LRP1B: variants seen among roughly 807,000 people sequenced by gnomAD.
LRP1B encodes the protein low-density lipoprotein receptor-related protein 1B.
Under a neutral mutation model 556.6 loss-of-function variants are expected in LRP1B, and 217 were observed. The ratio of observed to expected loss-of-function variants is 0.39; its 90% CI spans 0.35 to 0.44. The LOEUF is 0.44. Ranked by LOEUF, LRP1B falls within the 20% of genes least tolerant of loss-of-function variation. The probability of loss-of-function intolerance (pLI) is 1.00; values close to 1 mark genes in which losing one functional copy is unlikely to be tolerated. For synonymous variants in LRP1B, 2,047 were observed against 1,865.8 expected (o/e 1.10, Z -2.50); for missense variants, 5,053 against 5,620.8 (o/e 0.90, Z 3.23).
chr2:141,491,562 G>A (rs1214194961), intron 2 of LRP1B, among the ~76,000 whole-genome samples: 1 of 152,132 alleles, frequency 6.6e-6, no homozygotes, highest in Non-Finnish European at 1.5e-5. Context: ...CCAATTAGAA[G>A]CAGGGATAAC....
intron 35 of LRP1B, among the ~76,000 whole-genome samples, chr2:140,754,769 G>GA (rs35390789): frequency 0.053 from 7,609 of 142,510 alleles, 359 homozygotes; most frequent in African/African-American, 0.13. Context: ...TTAAGAACTA[G>GA]AAAAAAAAAA....
At chr2:141,739,442 C>A (rs1455477022) in intron 2 of LRP1B, among the ~76,000 whole-genome samples, 1 of 152,002 alleles carries the variant, frequency 6.6e-6, no homozygotes, top group African/African-American at 2.4e-5. Flanking sequence ...AGACGAACAC[C>A]TGGATATTGT....
At chr2:141,688,874 A>T (rs2105442022) in intron 2 of LRP1B, among the ~76,000 whole-genome samples, 1 of 151,984 alleles carries the variant, frequency 6.6e-6, no homozygotes, top group South Asian at 2.1e-4. Flanking sequence ...TCATCAACTA[A>T]GTGATAGAGA....
chr2:141,304,494 T>G (rs935613084), intron 3 of LRP1B, among the ~76,000 whole-genome samples: 1 of 145,878 alleles, frequency 6.9e-6, no homozygotes, highest in Non-Finnish European at 1.5e-5. Context: ...TTTTTTTTTT[T>G]TTTGAGATGG....
At chr2:141,278,780 T>C (rs1685400953) in intron 3 of LRP1B, among the ~76,000 whole-genome samples, 1 of 152,198 alleles carries the variant, frequency 6.6e-6, no homozygotes, top group Non-Finnish European at 1.5e-5. Flanking sequence ...ACTGGTCTTC[T>C]GTTTATCTTT....
At chr2:141,696,950 T>C (rs76831519) in intron 2 of LRP1B, among the ~76,000 whole-genome samples, 11,721 of 152,012 alleles carry the variant, frequency 0.077, 850 homozygotes, top group African/African-American at 0.18. Flanking sequence ...TACGGTAATG[T>C]AATAATAATC....
chr2:140,423,608 A>G (rs952485338), intron 66 of LRP1B, among the ~76,000 whole-genome samples: 6 of 152,132 alleles, frequency 3.9e-5, no homozygotes, highest in Non-Finnish European at 5.9e-5. Flanking sequence ...GATCCCCAGT[A>G]TTATTTACTC....
chr2:141,406,962 A>C (rs1056932050), intron 3 of LRP1B, among the ~76,000 whole-genome samples: 1 of 152,188 alleles, frequency 6.6e-6, no homozygotes, highest in African/African-American at 2.4e-5. Context: ...TCATGACTAG[A>C]TAAAGCATTT....
At chr2:141,778,441 G>A (rs373459963) in intron 2 of LRP1B, among the ~76,000 whole-genome samples, 5 of 152,152 alleles carry the variant, frequency 3.3e-5, no homozygotes, top group African/African-American at 4.8e-5. Context: ...TCTAGACAGC[G>A]TATCTGCTCT....
intron 10 of LRP1B, among the ~76,000 whole-genome samples, chr2:141,053,730 T>C (rs191851158): frequency 1.8e-4 from 28 of 152,164 alleles, no homozygotes; most frequent in Admixed American, 1.8e-3. Context: ...CTCCAGGTGA[T>C]GTACTACATT....
At chr2:140,276,827 G>T (rs1298415755) in intron 84 of LRP1B, among the ~76,000 whole-genome samples, 1 of 151,806 alleles carries the variant, frequency 6.6e-6, no homozygotes, top group Non-Finnish European at 1.5e-5. Context: ...GAACTTATTT[G>T]CAGATGAAAA....
At chr2:140,324,165 T>TGGA in intron 80 of LRP1B, 99 bp from the exon 81 acceptor site, 1 of 645,060 alleles carries the variant, frequency 1.6e-6, no homozygotes, top group African/African-American at 1.8e-5. Context: ...TTATTACTGT[T>TGGA]TAAAAATAAA....
At chr2:140,373,239 C>T in intron 68 of LRP1B, 102 bp from the exon 69 acceptor site, 1 of 921,340 alleles carries the variant, frequency 1.1e-6, no homozygotes, top group South Asian at 1.6e-5. Context: ...TGGAACTGAT[C>T]CTGGAACAAC....
intron 2 of LRP1B, among the ~76,000 whole-genome samples, chr2:141,606,394 T>C (rs1687918926): frequency 6.6e-6 from 1 of 152,196 alleles, no homozygotes; most frequent in Admixed American, 6.5e-5. Flanking sequence ...AACATTAAGC[T>C]AAAAACCAAT....
chr2:141,516,408 T>C (rs1324025422), intron 2 of LRP1B, among the ~76,000 whole-genome samples: 1 of 152,222 alleles, frequency 6.6e-6, no homozygotes, highest in East Asian at 1.9e-4. Flanking sequence ...CTAATCATAA[T>C]GTTAGATCAC....
At position 141,015,708 on chromosome 2, in the gene LRP1B, C is replaced by A. The variant is rs777710899; in HGVS notation, c.2178G>T (p.Gly726=). Reference sequence around the variant, plus strand: ...ATTTGTCTTTTACCTTCCTGTGAGTCCCATTCAAAAATACTTTTTCAATAT... The same window carrying A: ...ATTTGTCTTTTACCTTCCTGTGAGTACCATTCAAAAATACTTTTTCAATAT... ...YDHIEKVFLN[G]THRKIVYSGR... Residue 726 remains glycine (G), a synonymous_variant, in exon 13 of 91, where the codon GGG becomes GGT. Coordinates refer to ENST00000389484, the MANE Select transcript of LRP1B (RefSeq NM_018557.3). 1 of 1,611,818 alleles carries A rather than the reference C, an allele frequency of 6.2e-7. No individual in the cohort carries two copies. The highest frequency in any genetic ancestry group is 8.5e-7 in the Non-Finnish European group (1 of 1,178,510).
chr2:142,074,908 A>T (rs7563673), intron 1 of LRP1B, among the ~76,000 whole-genome samples: 3,914 of 152,138 alleles, frequency 0.026, 164 homozygotes, highest in African/African-American at 0.09. Flanking sequence ...TGTGTTATAC[A>T]CTACTTTCAG....
intron 2 of LRP1B, among the ~76,000 whole-genome samples, chr2:141,795,955 A>G (rs868143798): frequency 3.5e-5 from 5 of 142,606 alleles, no homozygotes; most frequent in African/African-American, 5.2e-5. Context: ...ATCACAAAGG[A>G]TGCAACTCAC....
At chr2:141,768,265 A>C (rs1694791295) in intron 2 of LRP1B, among the ~76,000 whole-genome samples, 1 of 152,104 alleles carries the variant, frequency 6.6e-6, no homozygotes, top group African/African-American at 2.4e-5. Flanking sequence ...TCTAGAAATT[A>C]TTCCTTAGTA....
Sources: allele counts gnomAD v4.1 joint callset (sites outside exome capture counted in the v4.1 genomes callset), GRCh38; gene constraint gnomAD v4.1.1; transcripts MANE v1.5; gene names NCBI Gene and HGNC (gene_info 2026-07-23, HGNC 2026-07-21).